PGPEP1L: variants seen among roughly 807,000 people sequenced by gnomAD.
The protein encoded by PGPEP1L is pyroglutamyl-peptidase I like.
PGPEP1L carries 7 observed loss-of-function variants against 6.0 expected under a neutral mutation model. The ratio of observed to expected loss-of-function variants is 1.17; its 90% CI spans 0.66 to 2.19. The LOEUF (loss-of-function observed/expected upper bound fraction) is 2.19, where lower values mean the gene tolerates loss of function less well. Ranked by LOEUF, PGPEP1L falls within the 30% of genes most tolerant of loss-of-function variation. PGPEP1L has a pLI of 0.00. For missense variants in PGPEP1L, 209 were observed against 192.5 expected, an observed-to-expected ratio of 1.09 and a Z score of -0.51; for synonymous variants, 103 against 83.9, an observed-to-expected ratio of 1.23 and a Z score of -1.24.
At chr15:98,972,722 T>C (rs1374121349) in intron 2 of PGPEP1L, among the ~76,000 whole-genome samples, 2 of 151,502 alleles carry the variant, frequency 1.3e-5, no homozygotes, top group African/African-American at 2.4e-5. Flanking sequence ...ATACAAAAAA[T>C]TAGCAGGGCA....
intron 2 of PGPEP1L, among the ~76,000 whole-genome samples, chr15:98,976,387 G>C (rs1567235649): frequency 6.6e-6 from 1 of 152,164 alleles, no homozygotes; most frequent in Non-Finnish European, 1.5e-5. Flanking sequence ...TAATAATTAA[G>C]TTGGGATTTT....
intron 2 of PGPEP1L, 34 bp from the exon 3 acceptor site, chr15:98,971,192 GAT>G: frequency 1.8e-6 from 1 of 550,268 alleles, no homozygotes; most frequent in South Asian, 1.8e-5. Context: ...TGCCTCAGTT[GAT>G]GGGGGGGGGG....
At chr15:99,002,893 G>A (rs1291587963) in intron 2 of PGPEP1L, among the ~76,000 whole-genome samples, 1 of 152,172 alleles carries the variant, frequency 6.6e-6, no homozygotes, top group African/African-American at 2.4e-5. Flanking sequence ...TGAGGAAAGG[G>A]CTGTGACTAA....
intron 2 of PGPEP1L, among the ~76,000 whole-genome samples, chr15:98,981,354 C>CGGGCGCGG (rs2017657224): frequency 2.0e-5 from 3 of 151,736 alleles, no homozygotes; most frequent in African/African-American, 7.3e-5. Flanking sequence ...GCCGGGCGTG[C>CGGGCGCGG]TGGCGGGCGC....
chr15:98,970,995 A>C (rs752585600), intron 3 of PGPEP1L, 41 bp downstream of exon 3: 2 of 1,609,362 alleles, frequency 1.2e-6, no homozygotes, highest in South Asian at 2.2e-5. Context: ...CCAGCTCCAC[A>C]TCGCCAGTCC....
At chr15:98,982,256 A>C (rs62025673) in intron 2 of PGPEP1L, among the ~76,000 whole-genome samples, 315 of 151,926 alleles carry the variant, frequency 2.1e-3, no homozygotes, top group Non-Finnish European at 3.8e-3. Flanking sequence ...GATCCTTGGG[A>C]GCTCCCTGGA....
At position 98,969,595 on chromosome 15, in the gene PGPEP1L, A is replaced by G; in HGVS notation, c.39T>C (p.Ser13=). The G allele has an allele frequency of 6.2e-7, 1 of 1,613,736 alleles. No individual in the cohort carries two copies. The change falls in exon 4 of 5, where the codon TCT becomes TCC. Residue 13 remains serine, a synonymous_variant. Transcript: ENST00000535714. ...TAAKAIILEQ[S]GKNQGYRDAD... is the part of the protein sequence containing the mutation. ...CGTCCCGGTAGCCTTGGTTCTTGCC[A>G]GACTGTTCCAGAATGATCGCCTTGG...
intron 2 of PGPEP1L, among the ~76,000 whole-genome samples, chr15:98,994,466 C>A (rs2017861050): frequency 6.6e-6 from 1 of 151,682 alleles, no homozygotes; most frequent in Non-Finnish European, 1.5e-5. Flanking sequence ...TCAGCCTGGG[C>A]AACATGGCAA....
At chr15:98,986,555 G>A (rs868941683) in intron 2 of PGPEP1L, among the ~76,000 whole-genome samples, 1 of 152,230 alleles carries the variant, frequency 6.6e-6, no homozygotes, top group Admixed American at 6.5e-5. Flanking sequence ...TGCAATGTAA[G>A]TATAGCACAT....
chr15:98,972,072 G>A (rs902355792), intron 2 of PGPEP1L, among the ~76,000 whole-genome samples: 1 of 152,134 alleles, frequency 6.6e-6, no homozygotes, highest in African/African-American at 2.4e-5. Context: ...AATAGCATGG[G>A]CCAGGCATGG....
At chr15:99,002,786 G>A (rs372854048) in intron 2 of PGPEP1L, among the ~76,000 whole-genome samples, 5,987 of 146,002 alleles carry the variant, frequency 0.041, 8 homozygotes, top group African/African-American at 0.063. Flanking sequence ...GCTTTATCCC[G>A]GAGTACAGCT....
intron 2 of PGPEP1L, among the ~76,000 whole-genome samples, chr15:98,974,151 T>C (rs945246114): frequency 2.6e-5 from 4 of 151,210 alleles, no homozygotes; most frequent in African/African-American, 9.7e-5. Flanking sequence ...GAGGCCAAGG[T>C]GGGCAGATCA....
At chr15:98,983,233 T>C (rs2017694898) in intron 2 of PGPEP1L, among the ~76,000 whole-genome samples, 1 of 152,122 alleles carries the variant, frequency 6.6e-6, no homozygotes, top group Admixed American at 6.5e-5. Flanking sequence ...TTCCTATCCC[T>C]GAACAGGACT....
Position 98,968,312 on chromosome 15 carries a change from C to T in PGPEP1L, c.*166G>A. On this transcript the variant is annotated 3_prime_UTR_variant, in exon 5 of 5. Coordinates refer to ENST00000535714, the MANE Select transcript of PGPEP1L (RefSeq NM_001167902.2). ...TGAAATGTCCACCTTTCAGAGTGTTCTTTCTCCTGACAATAAAATAACCCT... is the reference window on the plus strand; with the variant it reads ...TGAAATGTCCACCTTTCAGAGTGTTTTTTCTCCTGACAATAAAATAACCCT... 4 of 674,408 alleles carry T rather than the reference C, an allele frequency of 5.9e-6. No individual in the cohort carries two copies. The South Asian group carries it at 7.7e-5, about 13-fold the overall frequency. The allele number at this position is 674,408 out of a possible 1,614,324, so 41.8% of individuals were successfully genotyped here.
intron 2 of PGPEP1L, among the ~76,000 whole-genome samples, chr15:99,005,213 G>A (rs1370293562): frequency 2.0e-5 from 3 of 152,322 alleles, no homozygotes; most frequent in South Asian, 2.1e-4. Flanking sequence ...TACTTGAAGC[G>A]AATGAGCCAC....
chr15:98,998,934 C>G lies in PGPEP1L; in HGVS notation c.-142+6495G>C, dbSNP rs115622801. Among the ~76,000 whole-genome samples, 672 of 152,288 alleles carry G rather than the reference C, an allele frequency of 4.4e-3. 8 individuals carry two copies. The highest frequency in any genetic ancestry group is 0.016 in the African/African-American group (648 of 41,552). ...AGGTTGCAGTGAGCTGAGATTGCGC[C>G]ACTTAACTCCAGCCTGGGCGAAAGA... On this transcript the variant is annotated intron_variant, in intron 2 of 4. Coordinates refer to ENST00000535714, the MANE Select transcript of PGPEP1L (RefSeq NM_001167902.2).
In PGPEP1L at chr15:98,973,154, G is replaced by C. The variant is rs528565896; in HGVS notation, c.-141-1996C>G. On this transcript the variant is annotated intron_variant, in intron 2 of 4. Transcript: ENST00000535714. ...AATGACAAAGGGATCAATAAAGCAA[G>C]AGGATATAGCTATTATAAATGTATA... Among the ~76,000 whole-genome samples the C allele has an allele frequency of 5.3e-5, 8 of 152,274 alleles. No individual in the cohort carries two copies. The East Asian group carries it at 1.2e-3, about 22-fold the overall frequency.
chr15:99,001,497 G>A (rs1051557067), intron 2 of PGPEP1L, among the ~76,000 whole-genome samples: 1 of 152,150 alleles, frequency 6.6e-6, no homozygotes, highest in Non-Finnish European at 1.5e-5. Context: ...TGATGAATAT[G>A]TAACTTCGTG....
intron 2 of PGPEP1L, among the ~76,000 whole-genome samples, chr15:98,985,072 T>C (rs954180853): frequency 6.6e-6 from 1 of 152,142 alleles, no homozygotes; most frequent in African/African-American, 2.4e-5. Flanking sequence ...CAGCCTATAG[T>C]GCAGTCTATG....
Sources: gnomAD v4.1 joint callset for allele counts (sites outside exome capture counted in the v4.1 genomes callset) on GRCh38, gnomAD v4.1.1 for gene constraint, MANE v1.5 for transcripts, NCBI Gene and HGNC (gene_info 2026-07-23, HGNC 2026-07-21) for gene names.